RBPMS: variants seen among roughly 807,000 people sequenced by gnomAD.
RBPMS encodes RNA-binding protein with multiple splicing.
In RBPMS, 7 loss-of-function variants were observed where a neutral mutation model predicts 26.8. The observed-to-expected ratio is 0.26, with a 90% CI of 0.15 to 0.49. The LOEUF (loss-of-function observed/expected upper bound fraction) is 0.49, where lower values mean the gene tolerates loss of function less well. Among genes scored for constraint, RBPMS ranks in the 20% least tolerant of loss-of-function variants. RBPMS has a pLI of 0.98. For missense variants in RBPMS, 186 were observed against 250.0 expected (o/e 0.74, Z 1.73); for synonymous variants, 96 against 93.3 (o/e 1.03, Z -0.17).
At chr8:30,429,515 T>G (rs991515167) in intron 1 of RBPMS, among the ~76,000 whole-genome samples, 2 of 152,212 alleles carry the variant, frequency 1.3e-5, no homozygotes, top group Non-Finnish European at 2.9e-5. Flanking sequence ...ATCCAGTGAT[T>G]GATATACATG....
At chr8:30,563,071 T>C (rs980329265) in intron 7 of RBPMS, among the ~76,000 whole-genome samples, 2 of 152,164 alleles carry the variant, frequency 1.3e-5, no homozygotes, top group African/African-American at 2.4e-5. Context: ...GAGAGGGAGT[T>C]ACTGCTCATG....
At chr8:30,413,412 G>A (rs1488948940) in intron 1 of RBPMS, among the ~76,000 whole-genome samples, 1 of 152,064 alleles carries the variant, frequency 6.6e-6, no homozygotes, top group Non-Finnish European at 1.5e-5. Flanking sequence ...TCTGGAAGGA[G>A]AGTGGGCATC....
At chr8:30,395,420 G>A (rs1266209512) in intron 1 of RBPMS, among the ~76,000 whole-genome samples, 1 of 35,284 alleles carries the variant, frequency 2.8e-5, no homozygotes, top group African/African-American at 2.7e-4. Flanking sequence ...AGCCATGATC[G>A]CACCACTGCA....
At chr8:30,561,677 G>T (rs1414186718) in intron 7 of RBPMS, among the ~76,000 whole-genome samples, 2 of 152,122 alleles carry the variant, frequency 1.3e-5, no homozygotes, top group East Asian at 3.9e-4. Context: ...GGAGAAGCAG[G>T]GTGCGCCGGC....
At chr8:30,409,856 C>T (rs1419687390) in intron 1 of RBPMS, among the ~76,000 whole-genome samples, 2 of 152,010 alleles carry the variant, frequency 1.3e-5, no homozygotes, top group Non-Finnish European at 2.9e-5. Flanking sequence ...TGGTCTCGAT[C>T]TCCTGACCTT....
intron 1 of RBPMS, among the ~76,000 whole-genome samples, chr8:30,388,135 C>G (rs916455108): frequency 3.3e-5 from 5 of 151,826 alleles, no homozygotes; most frequent in African/African-American, 1.2e-4. Context: ...ATGTGTGTTC[C>G]CTAAGCAAGT....
rs59580323 is a variant in RBPMS, at chr8:30,445,649, G to GATATATATATATATATATATATATATAT, written c.67-29104_67-29103insATATATATATATATATATATATATATAT. Among the ~76,000 whole-genome samples the GATATATATATATATATATATATATATAT allele has an allele frequency of 6.1e-3, 653 of 107,046 alleles. 14 individuals carry two copies. The highest frequency in any genetic ancestry group is 8.0e-3 in the Non-Finnish European group (427 of 53,252). 70.2% of individuals were successfully genotyped at this position (107,046 alleles called of 152,430 possible). On this transcript the variant is annotated intron_variant, in intron 1 of 8. Transcript: ENST00000397323. ...ACACACATATGTAGATATACACACGGATATATATATATATATATATATATA... is the reference window on the plus strand; with the variant it reads ...ACACACATATGTAGATATACACACGGATATATATATATATATATATATATATATATATATATATATATATATATATATA...
chr8:30,385,646 G>A (rs1186674989), intron 1 of RBPMS, among the ~76,000 whole-genome samples: 1 of 152,082 alleles, frequency 6.6e-6, no homozygotes, highest in African/African-American at 2.4e-5. Flanking sequence ...CTTTCTAGCC[G>A]AGGTTTTTTG....
At chr8:30,553,021 C>T (rs6981987) in intron 6 of RBPMS, 40,574 of 152,210 alleles carry the variant, frequency 0.27, 5,712 homozygotes, top group African/African-American at 0.33. Flanking sequence ...CACCTCTTTT[C>T]CAGCTGTTGG....
intron 1 of RBPMS, among the ~76,000 whole-genome samples, chr8:30,432,480 G>A (rs938514252): frequency 6.6e-6 from 1 of 152,180 alleles, no homozygotes; most frequent in Non-Finnish European, 1.5e-5. Context: ...TGGTGCCAAA[G>A]GCTACTTAAA....
intron 1 of RBPMS, among the ~76,000 whole-genome samples, chr8:30,470,340 C>T (rs896324306): frequency 7.2e-5 from 11 of 151,846 alleles, no homozygotes; most frequent in Middle Eastern, 3.4e-3. Flanking sequence ...GCCAAGATCA[C>T]GCCATTGCAC....
intron 4 of RBPMS, among the ~76,000 whole-genome samples, chr8:30,489,695 G>A (rs1188093734): frequency 2.6e-5 from 4 of 152,204 alleles, no homozygotes; most frequent in East Asian, 3.9e-4. Flanking sequence ...TGCCCGCCTC[G>A]GCCTCCCAAA....
At position 30,459,073 on chromosome 8, in the gene RBPMS, C is replaced by T. The variant is rs555983756; in HGVS notation, c.67-15706C>T. ...CCACCTCCTGGGTTCAAGCGATTCT[C>T]GTGCCTCAGCCTCCTAAGTAGCTGG... On this transcript the variant is annotated intron_variant, in intron 1 of 8. Transcript: ENST00000397323. Among the ~76,000 whole-genome samples the T allele has an allele frequency of 2.0e-5, 3 of 151,760 alleles. No homozygotes were observed. In the South Asian group the frequency reaches 6.2e-4, roughly 32 times the overall value.
chr8:30,496,891 A>G (rs1820024106), intron 4 of RBPMS, among the ~76,000 whole-genome samples: 1 of 152,182 alleles, frequency 6.6e-6, no homozygotes, highest in Non-Finnish European at 1.5e-5. Context: ...TGAGCGTAAC[A>G]ATTGTTTTCA....
At chr8:30,497,769 C>T (rs1364062889) in intron 4 of RBPMS, among the ~76,000 whole-genome samples, 3 of 151,838 alleles carry the variant, frequency 2.0e-5, no homozygotes, top group East Asian at 1.9e-4. Flanking sequence ...ACTACAGGCG[C>T]CCGCCACCAC....
intron 1 of RBPMS, among the ~76,000 whole-genome samples, chr8:30,472,950 G>A (rs2150821895): frequency 6.6e-6 from 1 of 152,322 alleles, no homozygotes; most frequent in South Asian, 2.1e-4. Flanking sequence ...CTGTCTGTCT[G>A]TCTAATATTC....
intron 4 of RBPMS, among the ~76,000 whole-genome samples, chr8:30,487,375 T>TA (rs1343061415): frequency 3.3e-5 from 5 of 152,236 alleles, no homozygotes; most frequent in Non-Finnish European, 1.5e-5. Context: ...CCCTTGGTCT[T>TA]ACTCTGTAAC....
intron 5 of RBPMS, among the ~76,000 whole-genome samples, chr8:30,540,553 G>A (rs1228828967): frequency 6.6e-6 from 1 of 152,084 alleles, no homozygotes; most frequent in Non-Finnish European, 1.5e-5. Context: ...AGCCTCCCGA[G>A]TAGTTGGAAC....
chr8:30,562,159 C>T (rs183975074), intron 7 of RBPMS: 11 of 437,546 alleles, frequency 2.5e-5, no homozygotes, highest in Admixed American at 1.9e-4. Context: ...GGTGAAACCC[C>T]GTCTCTACTA....
Sources: gnomAD v4.1 joint callset for allele counts (sites outside exome capture counted in the v4.1 genomes callset) on GRCh38, gnomAD v4.1.1 for gene constraint, MANE v1.5 for transcripts, NCBI Gene and HGNC (gene_info 2026-07-23, HGNC 2026-07-21) for gene names.